The following MGMT variants were observed in gnomAD, a reference collection of about 807,000 sequenced individuals.
The protein encoded by MGMT is methylated-DNA--protein-cysteine methyltransferase.
In MGMT, 14 loss-of-function variants were observed where a neutral mutation model predicts 15.9. The observed-to-expected ratio is 0.88, with a 90% CI of 0.58 to 1.37. The LOEUF is 1.37. MGMT is among the 40% of genes most tolerant of loss of function. The pLI, the probability that MGMT is intolerant of heterozygous loss-of-function variation, is 0.00. For missense variants in MGMT, 282 were observed against 268.1 expected (o/e 1.05, Z -0.36); for synonymous variants, 130 against 118.2 (o/e 1.10, Z -0.65).
chr10:129,752,695 T>G (rs1303441238), intron 3 of MGMT, among the ~76,000 whole-genome samples: 2 of 152,080 alleles, frequency 1.3e-5, no homozygotes, highest in Non-Finnish European at 2.9e-5. Flanking sequence ...TTTACCTTTT[T>G]AAGTGGAATA....
At chr10:129,661,498 G>T (rs1847597701) in intron 2 of MGMT, among the ~76,000 whole-genome samples, 1 of 152,134 alleles carries the variant, frequency 6.6e-6, no homozygotes, top group African/African-American at 2.4e-5. Flanking sequence ...TATTGATGTT[G>T]TGCAACTTTC....
intron 2 of MGMT, among the ~76,000 whole-genome samples, chr10:129,679,072 C>CAAA (rs746058016): frequency 1.7e-4 from 20 of 117,708 alleles, no homozygotes; most frequent in Admixed American, 5.1e-4. Context: ...GACTCCATCT[C>CAAA]AAAAAAAAAA....
chr10:129,623,553 A>G (rs1292713624), intron 2 of MGMT, among the ~76,000 whole-genome samples: 2 of 152,096 alleles, frequency 1.3e-5, no homozygotes, highest in Admixed American at 6.6e-5. Flanking sequence ...GTATATATAT[A>G]ACTTTAGTTA....
At position 129,547,924 on chromosome 10, in the gene MGMT, T is replaced by C. The variant is rs1349405647; in HGVS notation, c.125+11547T>C. On this transcript the variant is annotated intron_variant, in intron 2 of 4. Transcript: ENST00000651593. The stretch of plus-strand genomic sequence containing the variant: ...TATGGGAGGCAATACTTGTTCTTGT[T>C]CCCAAGAAGCTGATGTGTCGTCCGG... Among the ~76,000 whole-genome samples, 8 of 152,306 alleles carry C rather than the reference T, an allele frequency of 5.3e-5. No homozygotes were observed. In the East Asian group the frequency reaches 1.5e-3, roughly 29 times the overall value.
chr10:129,745,926 A>G (rs1216473042), intron 3 of MGMT, among the ~76,000 whole-genome samples: 1 of 152,112 alleles, frequency 6.6e-6, no homozygotes, highest in Non-Finnish European at 1.5e-5. Flanking sequence ...AGTAGTAGCT[A>G]GTCTTTTATT....
intron 2 of MGMT, among the ~76,000 whole-genome samples, chr10:129,616,039 A>G (rs1227211879): frequency 6.6e-6 from 1 of 152,172 alleles, no homozygotes; most frequent in Non-Finnish European, 1.5e-5. Context: ...AGAAGTTTGC[A>G]ACATGAAGGG....
At chr10:129,589,537 T>C (rs991630914) in intron 2 of MGMT, among the ~76,000 whole-genome samples, 3 of 152,256 alleles carry the variant, frequency 2.0e-5, no homozygotes, top group African/African-American at 7.2e-5. Flanking sequence ...ATATATAAAA[T>C]AATCAAAACT....
chr10:129,607,178 G>A (rs1438406158), intron 2 of MGMT, among the ~76,000 whole-genome samples: 1 of 152,130 alleles, frequency 6.6e-6, no homozygotes, highest in Admixed American at 6.6e-5. Context: ...GTCATAGTAG[G>A]CCATGGTGGA....
At chr10:129,725,937 T>C (rs1249706988) in intron 3 of MGMT, among the ~76,000 whole-genome samples, 1 of 152,214 alleles carries the variant, frequency 6.6e-6, no homozygotes, top group Non-Finnish European at 1.5e-5. Context: ...AGTTTCTCTT[T>C]AGCTGAAACT....
intron 2 of MGMT, among the ~76,000 whole-genome samples, chr10:129,682,416 G>A (rs1037892204): frequency 5.3e-5 from 8 of 151,684 alleles, no homozygotes; most frequent in Admixed American, 5.3e-4. Flanking sequence ...GATTTTTTTT[G>A]TATGTAACAC....
At chr10:129,731,386 G>A (rs967130268) in intron 3 of MGMT, among the ~76,000 whole-genome samples, 14 of 134,320 alleles carry the variant, frequency 1.0e-4, no homozygotes, top group African/African-American at 4.0e-4. Flanking sequence ...TTTTTGCGAC[G>A]GAGTCTCGCT....
intron 3 of MGMT, among the ~76,000 whole-genome samples, chr10:129,745,741 C>G (rs756582339): frequency 1.5e-4 from 23 of 152,076 alleles, no homozygotes; most frequent in Admixed American, 1.4e-3. Context: ...TGGTTATTGA[C>G]CCCTCCTTAT....
intron 2 of MGMT, among the ~76,000 whole-genome samples, chr10:129,631,009 G>A (rs1028704617): frequency 1.3e-5 from 2 of 152,166 alleles, no homozygotes; most frequent in African/African-American, 2.4e-5. Flanking sequence ...AAAATATCTC[G>A]AAATCCCAAA....
At chr10:129,603,743 C>CGG (rs970743069) in intron 2 of MGMT, among the ~76,000 whole-genome samples, 4 of 152,166 alleles carry the variant, frequency 2.6e-5, no homozygotes, top group African/African-American at 9.6e-5. Context: ...GGCAGCTTGT[C>CGG]GGGCACAAAA....
intron 1 of MGMT, among the ~76,000 whole-genome samples, chr10:129,499,685 T>C (rs1376321772): frequency 6.6e-6 from 1 of 152,224 alleles, no homozygotes; most frequent in Admixed American, 6.5e-5. Flanking sequence ...AAGGTCTGGT[T>C]AAATTTTAAC....
At chr10:129,500,184 T>C (rs962400400) in intron 1 of MGMT, among the ~76,000 whole-genome samples, 1 of 152,214 alleles carries the variant, frequency 6.6e-6, no homozygotes, top group African/African-American at 2.4e-5. Flanking sequence ...TGTAGAGGAA[T>C]ACCAGTGTTG....
chr10:129,630,233 A>G (rs1847194986), intron 2 of MGMT, among the ~76,000 whole-genome samples: 1 of 152,232 alleles, frequency 6.6e-6, no homozygotes, highest in Non-Finnish European at 1.5e-5. Context: ...TTGTCCGTCC[A>G]GATGAAAGGG....
intron 1 of MGMT, among the ~76,000 whole-genome samples, chr10:129,498,361 C>G (rs931377619): frequency 6.6e-6 from 1 of 152,216 alleles, no homozygotes; most frequent in Non-Finnish European, 1.5e-5. Flanking sequence ...TTCACCCACT[C>G]ATCTTAGTGA....
chr10:129,650,906 A>G (rs1045146051), intron 2 of MGMT, among the ~76,000 whole-genome samples: 9 of 152,134 alleles, frequency 5.9e-5, no homozygotes, highest in Admixed American at 2.6e-4. Flanking sequence ...CCTGCCTGCC[A>G]TGGCTCCCGC....
Sources: gnomAD v4.1 joint callset for allele counts (sites outside exome capture counted in the v4.1 genomes callset) on GRCh38, gnomAD v4.1.1 for gene constraint, MANE v1.5 for transcripts, NCBI Gene and HGNC (gene_info 2026-07-23, HGNC 2026-07-21) for gene names.